DYM: variants seen among roughly 807,000 people sequenced by gnomAD.
DYM encodes the protein dyggve-Melchior-Clausen syndrome protein.
A neutral mutation model predicts 93.1 loss-of-function variants in DYM; 78 were observed. The observed-to-expected ratio is 0.84, with a 90% CI of 0.70 to 1.01. The LOEUF is 1.01. Among genes scored for constraint, DYM ranks in the 50% least tolerant of loss-of-function variants. DYM has a pLI of 0.00. For missense variants in DYM, 789 were observed against 845.0 expected (o/e 0.93, Z 0.82); for synonymous variants, 321 against 319.7 (o/e 1.00, Z -0.04).
At chr18:49,119,281 T>C (rs916265448) in intron 15 of DYM, among the ~76,000 whole-genome samples, 1 of 152,204 alleles carries the variant, frequency 6.6e-6, no homozygotes, top group Non-Finnish European at 1.5e-5. Context: ...TTCCATGATG[T>C]AGAGTAGTGG....
At chr18:49,077,262 T>C (rs2077382300) in intron 17 of DYM, among the ~76,000 whole-genome samples, 2 of 152,340 alleles carry the variant, frequency 1.3e-5, no homozygotes, top group South Asian at 4.1e-4. Flanking sequence ...TGCACATGAT[T>C]TTCTGTGCTG....
intron 16 of DYM, among the ~76,000 whole-genome samples, chr18:49,101,104 C>T (rs2080090141): frequency 6.6e-6 from 1 of 152,194 alleles, no homozygotes; most frequent in African/African-American, 2.4e-5. Flanking sequence ...ATGACTACAA[C>T]AGATGTGTGG....
At chr18:49,075,693 A>G (rs1361230363) in intron 17 of DYM, among the ~76,000 whole-genome samples, 1 of 152,240 alleles carries the variant, frequency 6.6e-6, no homozygotes, top group African/African-American at 2.4e-5. Flanking sequence ...TTTTTCCAAC[A>G]CGGAAAATTC....
chr18:49,050,458 G>GT (rs2072276587), intron 17 of DYM, among the ~76,000 whole-genome samples: 1 of 152,124 alleles, frequency 6.6e-6, no homozygotes, highest in Admixed American at 6.5e-5. Flanking sequence ...ACTAAGAAGG[G>GT]TTTACCATCT....
At chr18:49,393,061 G>A (rs1394420340) in intron 2 of DYM, among the ~76,000 whole-genome samples, 1 of 133,190 alleles carries the variant, frequency 7.5e-6, no homozygotes, top group African/African-American at 2.7e-5. Flanking sequence ...GGGAGGAGGG[G>A]AGGAGGAGGA....
chr18:49,208,969 C>T (rs895017731), intron 14 of DYM, among the ~76,000 whole-genome samples: 1 of 152,184 alleles, frequency 6.6e-6, no homozygotes. Context: ...ACTCCACTGA[C>T]CCCCATTATG....
intron 13 of DYM, among the ~76,000 whole-genome samples, chr18:49,215,045 A>G (rs2092964188): frequency 6.6e-6 from 1 of 152,236 alleles, no homozygotes; most frequent in Non-Finnish European, 1.5e-5. Flanking sequence ...AGTTTGACAA[A>G]TAGCCTCATT....
At chr18:49,445,706 C>T (rs964773518) in intron 1 of DYM, among the ~76,000 whole-genome samples, 3 of 152,140 alleles carry the variant, frequency 2.0e-5, no homozygotes, top group Non-Finnish European at 4.4e-5. Context: ...CTGAAAAAGG[C>T]ATGAAACCTC....
At chr18:49,062,543 C>T (rs992961613) in intron 17 of DYM, among the ~76,000 whole-genome samples, 23 of 152,222 alleles carry the variant, frequency 1.5e-4, no homozygotes, top group Non-Finnish European at 2.8e-4. Context: ...TTAAGATTCC[C>T]GAGACAAGAG....
At chr18:49,317,943 G>A (rs1256302220) in intron 8 of DYM, among the ~76,000 whole-genome samples, 4 of 151,918 alleles carry the variant, frequency 2.6e-5, no homozygotes, top group Admixed American at 2.6e-4. Context: ...TATTCTAGAG[G>A]GGATAGTAGT....
intron 13 of DYM, among the ~76,000 whole-genome samples, chr18:49,225,251 C>A (rs1194502303): frequency 6.6e-6 from 1 of 152,068 alleles, no homozygotes; most frequent in Non-Finnish European, 1.5e-5. Context: ...CAGTATAAAA[C>A]TTACATATCC....
At chr18:49,160,597 C>T (rs1269132014) in intron 15 of DYM, among the ~76,000 whole-genome samples, 1 of 138,248 alleles carries the variant, frequency 7.2e-6, no homozygotes, top group South Asian at 2.3e-4. Context: ...AAAAAAAGTA[C>T]ACATCTAGGA....
chr18:49,113,270 T>C (rs952815554), intron 16 of DYM, among the ~76,000 whole-genome samples: 5 of 152,302 alleles, frequency 3.3e-5, no homozygotes, highest in Admixed American at 3.3e-4. Flanking sequence ...TTATAGTTCA[T>C]TGCATCTGTC....
At chr18:49,259,091 T>C (rs1409071433) in intron 11 of DYM, among the ~76,000 whole-genome samples, 2 of 152,136 alleles carry the variant, frequency 1.3e-5, no homozygotes, top group African/African-American at 2.4e-5. Flanking sequence ...AGAGTCACTG[T>C]GCCACATTAT....
chr18:49,460,436 G>A lies in DYM; in HGVS notation c.-92C>T, dbSNP rs1406505811. The A allele has an allele frequency of 1.3e-5, 2 of 152,334 alleles. No homozygotes were observed. Among genetic ancestry groups the A allele is most frequent in the Non-Finnish European group, 2.9e-5 (2 of 68,124 alleles). 9.4% of individuals were successfully genotyped at this position (152,334 alleles called of 1,614,324 possible). A position where few individuals can be genotyped will look rare whatever the true frequency, so the allele number is the denominator to read the frequency against. On this transcript the variant is annotated 5_prime_UTR_variant, in exon 1 of 18. Transcript: ENST00000675505. ...CTGGGGGATCTGCTCCAGCTCCACG[G>A]ACCCGCGGACGGATGGGAGGGTGGC...
At chr18:49,353,166 TTATC>T (rs1408040042) in intron 6 of DYM, among the ~76,000 whole-genome samples, 2 of 152,154 alleles carry the variant, frequency 1.3e-5, no homozygotes, top group African/African-American at 2.4e-5. Context: ...CCCATTTAGA[TTATC>T]TATCCCCTAA....
chr18:49,133,474 G>A (rs1468184505), intron 15 of DYM, among the ~76,000 whole-genome samples: 4 of 152,180 alleles, frequency 2.6e-5, no homozygotes, highest in Non-Finnish European at 5.9e-5. Flanking sequence ...ATCTAATGAG[G>A]CCAAAAGCAA....
chr18:49,118,745 A>G lies in DYM; in HGVS notation c.1910T>C (p.Leu637Pro). The change falls in exon 16 of 18, where the codon CTG (leucine) becomes CCG (proline). Residue 637 changes from leucine to proline, a missense_variant and splice_region_variant. Physicochemically the swap from Leu to Pro is moderately conservative, Grantham distance 98. Around this residue, in one of 3 missense-constraint regions of DYM, gnomAD observed 114 missense variants for 105.8 expected, o/e 1.08. Transcript: ENST00000675505. ...ATAAATGTCTTCATTTACACTCACC[A>G]GATCAATATTTTGCATTATATCCTG... Reference protein sequence around the residue: ...SFQDIMQNIDLVISFFSSRLL... With the variant: ...SFQDIMQNIDPVISFFSSRLL... 1 of 1,612,680 alleles carries G rather than the reference A, an allele frequency of 6.2e-7. No homozygotes were observed. Among genetic ancestry groups the G allele is most frequent in the East Asian group, 2.2e-5 (1 of 44,848 alleles).
chr18:49,141,435 T>C (rs528886422), intron 15 of DYM, among the ~76,000 whole-genome samples: 2 of 152,272 alleles, frequency 1.3e-5, no homozygotes, highest in South Asian at 4.1e-4. Context: ...AGCCCTACAA[T>C]GACCTATTCC....
Sources: gnomAD v4.1 joint callset for allele counts (sites outside exome capture counted in the v4.1 genomes callset) on GRCh38, gnomAD v4.1.1 for gene constraint, gnomAD v4.1.1 regional missense constraint, MANE v1.5 for transcripts, NCBI Gene and HGNC (gene_info 2026-07-23, HGNC 2026-07-21) for gene names.